The following CPS1 variants were observed in gnomAD, a reference collection of about 807,000 sequenced individuals.
CPS1 encodes carbamoyl-phosphate synthase [ammonia], mitochondrial.
In CPS1, 109 loss-of-function variants were observed where a neutral mutation model predicts 174.6. The observed-to-expected ratio is 0.62, with a 90% CI of 0.53 to 0.73. The LOEUF (loss-of-function observed/expected upper bound fraction) is 0.73. Among genes scored for constraint, CPS1 ranks in the 30% least tolerant of loss-of-function variants. The probability of loss-of-function intolerance (pLI) is 0.00; values close to 1 mark genes in which losing one functional copy is unlikely to be tolerated. For synonymous variants in CPS1, 637 were observed against 632.0 expected (o/e 1.01, Z -0.12); for missense variants, 1,689 against 1,821.9 (o/e 0.93, Z 1.33).
chr2:210,609,159 A>AT (rs1469374324), intron 19 of CPS1, among the ~76,000 whole-genome samples: 1 of 151,970 alleles, frequency 6.6e-6, no homozygotes, highest in Non-Finnish European at 1.5e-5. Flanking sequence ...TCTTTAGAAG[A>AT]TTTTTTAGAA....
chr2:210,675,698 C>A, intron 35 of CPS1, 30 bp from the exon 36 acceptor site: 3 of 993,796 alleles, frequency 3.0e-6, no homozygotes, highest in Non-Finnish European at 4.9e-6. Flanking sequence ...CACTGTGATA[C>A]GGTAATTGAT....
intron 37 of CPS1, among the ~76,000 whole-genome samples, chr2:210,677,533 A>G (rs1386408475): frequency 6.6e-6 from 1 of 152,270 alleles, no homozygotes; most frequent in Non-Finnish European, 1.5e-5. Flanking sequence ...AAATGATTGC[A>G]TGAGGCATGT....
intron 20 of CPS1, among the ~76,000 whole-genome samples, chr2:210,614,886 G>T (rs938552842): frequency 8.6e-5 from 13 of 151,876 alleles, no homozygotes; most frequent in African/African-American, 3.1e-4. Flanking sequence ...GCCTGTCGGG[G>T]GGTGGGGAGG....
Position 210,576,391 on chromosome 2 carries a change from C to A in CPS1, c.282C>A (p.Leu94=). 6.2e-7 allele frequency: 1 copy of A among 1,613,774 alleles called. No homozygotes were observed. Among genetic ancestry groups the A allele is most frequent in the Non-Finnish European group, 8.5e-7 (1 of 1,179,742 alleles). ...ITDPAYKGQI[L]TMANPIIGNG... ...ACCCTGCCTACAAAGGACAGATTCT[C>A]ACAATGGCCAACCCTATTATTGGGA... Residue 94 remains leucine (L), a synonymous_variant, in exon 3 of 38, where the codon CTC becomes CTA. Coordinates refer to ENST00000233072, the MANE Select transcript of CPS1 (RefSeq NM_001875.5).
intron 1 of CPS1, among the ~76,000 whole-genome samples, chr2:210,539,599 A>C (rs989229962): frequency 1.3e-5 from 2 of 152,020 alleles, no homozygotes; most frequent in African/African-American, 4.8e-5. Flanking sequence ...TCAAGAGGGC[A>C]TCTGGTTGTT....
At chr2:210,523,773 A>G (rs1695892288) in intron 1 of CPS1, among the ~76,000 whole-genome samples, 1 of 152,006 alleles carries the variant, frequency 6.6e-6, no homozygotes, top group African/African-American at 2.4e-5. Context: ...AGTGCTTGGC[A>G]TTATTTCCTG....
chr2:210,545,783 A>C (rs1243868746), intron 1 of CPS1, among the ~76,000 whole-genome samples: 2 of 152,038 alleles, frequency 1.3e-5, no homozygotes, highest in Admixed American at 6.6e-5. Context: ...CAGACCTTTT[A>C]GCCAGTATTG....
At chr2:210,508,471 A>T (rs1471731539) in intron 1 of CPS1, among the ~76,000 whole-genome samples, 1 of 152,100 alleles carries the variant, frequency 6.6e-6, no homozygotes, top group African/African-American at 2.4e-5. Flanking sequence ...TAAAAGAACT[A>T]GAGAAGCAAG....
intron 5 of CPS1, among the ~76,000 whole-genome samples, chr2:210,581,403 T>C (rs75316073): frequency 0.026 from 4,034 of 152,262 alleles, 183 homozygotes; most frequent in African/African-American, 0.092. Context: ...AAAACAGTAT[T>C]GCCTCATATT....
At chr2:210,487,819 C>G (rs543041691) in intron 1 of CPS1, among the ~76,000 whole-genome samples, 1 of 152,190 alleles carries the variant, frequency 6.6e-6, no homozygotes, top group South Asian at 2.1e-4. Flanking sequence ...CTGTACATAT[C>G]AATTCGTAAA....
intron 21 of CPS1, among the ~76,000 whole-genome samples, chr2:210,633,236 CAGTT>C (rs1041951985): frequency 1.3e-4 from 19 of 151,916 alleles, no homozygotes; most frequent in Non-Finnish European, 2.5e-4. Context: ...GGAGCAGTAA[CAGTT>C]GAGTTAGTCT....
intron 1 of CPS1, among the ~76,000 whole-genome samples, chr2:210,509,508 A>G (rs935099245): frequency 5.9e-5 from 9 of 152,146 alleles, no homozygotes; most frequent in Admixed American, 3.9e-4. Flanking sequence ...CCTATTCAAC[A>G]TAGTGTTGGA....
chr2:210,676,843 T>C (rs1169133237), intron 36 of CPS1, among the ~76,000 whole-genome samples, 164 bp from the exon 37 acceptor site: 1 of 152,192 alleles, frequency 6.6e-6, no homozygotes, highest in Non-Finnish European at 1.5e-5. Flanking sequence ...ATAATCCCTA[T>C]ATAAGTGTAA....
Position 210,609,470 on chromosome 2 carries a change from T to A in CPS1, c.2391+911T>A, listed in dbSNP as rs551773784. Among the ~76,000 whole-genome samples the A allele has an allele frequency of 2.0e-5, 3 of 152,074 alleles. No individual in the cohort carries two copies. The East Asian group carries it at 5.8e-4, about 30-fold the overall frequency. On this transcript the variant is annotated intron_variant, in intron 19 of 37. Coordinates refer to ENST00000233072, the MANE Select transcript of CPS1 (RefSeq NM_001875.5). The stretch of plus-strand genomic sequence containing the variant: ...CACACCTATAAAATAGAAATAATAA[T>A]ACCTACCTTGCAGGATTCTTATAAT...
intron 2 of CPS1, among the ~76,000 whole-genome samples, chr2:210,574,661 T>G (rs1697626166): frequency 6.6e-6 from 1 of 152,102 alleles, no homozygotes; most frequent in Non-Finnish European, 1.5e-5. Context: ...CACTAGAGTT[T>G]TCTTCTCTGT....
At chr2:210,490,660 G>T (rs1248743271) in intron 1 of CPS1, among the ~76,000 whole-genome samples, 1 of 152,208 alleles carries the variant, frequency 6.6e-6, no homozygotes, top group African/African-American at 2.4e-5. Context: ...AAATAAAAGA[G>T]AGGCTGTCTT....
intron 1 of CPS1, among the ~76,000 whole-genome samples, chr2:210,481,685 AT>A (rs1375633380): frequency 6.6e-6 from 1 of 152,074 alleles, no homozygotes; most frequent in African/African-American, 2.4e-5. Context: ...AAAACTTAAC[AT>A]TTTCCTACTT....
At chr2:210,498,185 T>C (rs1400188405) in intron 1 of CPS1, among the ~76,000 whole-genome samples, 2 of 151,990 alleles carry the variant, frequency 1.3e-5, no homozygotes, top group African/African-American at 4.8e-5. Context: ...GAGCATTTTT[T>C]CATGTTTGCT....
intron 19 of CPS1, among the ~76,000 whole-genome samples, chr2:210,610,062 GT>G (rs1461456106): frequency 6.6e-6 from 1 of 151,842 alleles, no homozygotes; most frequent in Non-Finnish European, 1.5e-5. Flanking sequence ...CATTATAGTT[GT>G]TTTAAATCTT....
Sources: gnomAD v4.1 joint callset for allele counts (sites outside exome capture counted in the v4.1 genomes callset) on GRCh38, gnomAD v4.1.1 for gene constraint, MANE v1.5 for transcripts, NCBI Gene and HGNC (gene_info 2026-07-23, HGNC 2026-07-21) for gene names.